SLC9C1: variants seen among roughly 807,000 people sequenced by gnomAD.
The protein encoded by SLC9C1 is solute carrier family 9 member C1, also known as sodium/hydrogen exchanger 10.
A neutral mutation model predicts 140.9 loss-of-function variants in SLC9C1; 97 were observed. That is an observed-to-expected ratio of 0.69 (90% CI 0.58 to 0.82). SLC9C1 has a LOEUF of 0.82. Ranked by LOEUF, SLC9C1 falls within the 40% of genes least tolerant of loss-of-function variation. The pLI is 0.00. For synonymous variants in SLC9C1, 440 were observed against 442.6 expected (o/e 0.99, Z 0.07); for missense variants, 1,340 against 1,389.3 (o/e 0.96, Z 0.56).
At chr3:112,243,839 C>T (rs1366500138) in intron 11 of SLC9C1, among the ~76,000 whole-genome samples, 156 bp downstream of exon 11, 1 of 152,042 alleles carries the variant, frequency 6.6e-6, no homozygotes, top group Non-Finnish European at 1.5e-5. Flanking sequence ...AACAGGTGTG[C>T]ACTGCCACGC....
At chr3:112,202,126 T>C in intron 18 of SLC9C1, 124 bp downstream of exon 18, 1 of 1,111,352 alleles carries the variant, frequency 9.0e-7, no homozygotes, top group South Asian at 1.5e-5. Flanking sequence ...AGTTTAAGTT[T>C]TTAAAGAAAT....
chr3:112,154,737 C>CT (rs1327082723), intron 27 of SLC9C1, among the ~76,000 whole-genome samples: 1 of 152,092 alleles, frequency 6.6e-6, no homozygotes, highest in Non-Finnish European at 1.5e-5. Flanking sequence ...CTGGTAGTGC[C>CT]TGGTTGCTAA....
Position 112,286,708 on chromosome 3 carries a change from A to C in SLC9C1, c.84T>G (p.Ile28Met). The C allele has an allele frequency of 6.2e-7, 1 of 1,611,454 alleles. No homozygotes were observed. The highest frequency in any genetic ancestry group is 8.5e-7 in the Non-Finnish European group (1 of 1,178,700). The change falls in exon 2 of 29, where the codon ATT becomes ATG. Residue 28 changes from isoleucine (I) to methionine (M), a missense_variant. Ile to Met is a conservative substitution (Grantham distance 10). Coordinates refer to ENST00000305815, the MANE Select transcript of SLC9C1 (RefSeq NM_183061.3). ...VILTLSLISS[I>M]GAFLNRHLED... is the part of the protein sequence containing the mutation. ...TAAAGAGAGAGTGATACTTACCTCCAATGGAGCTGATCAAAGACAATGTTA... is the reference window on the plus strand; with the variant it reads ...TAAAGAGAGAGTGATACTTACCTCCCATGGAGCTGATCAAAGACAATGTTA...
intron 28 of SLC9C1, chr3:112,147,548 T>C (rs1335796944): frequency 1.0e-5 from 4 of 391,268 alleles, no homozygotes; most frequent in South Asian, 5.6e-5. Context: ...AAAGCTTAGT[T>C]TGGCAGGATA....
At chr3:112,291,484 A>C (rs1308024759) in intron 1 of SLC9C1, among the ~76,000 whole-genome samples, 1 of 152,240 alleles carries the variant, frequency 6.6e-6, no homozygotes, top group Non-Finnish European at 1.5e-5. Context: ...AAAAGAAGAC[A>C]TACATGCTGC....
chr3:112,264,136 T>C, intron 9 of SLC9C1, 64 bp downstream of exon 9: 1 of 770,086 alleles, frequency 1.3e-6, no homozygotes, highest in South Asian at 5.7e-5. Flanking sequence ...TTGTGTTATT[T>C]AAAAGATGAC....
At chr3:112,195,366 A>G (rs2077747811) in intron 20 of SLC9C1, among the ~76,000 whole-genome samples, 1 of 152,120 alleles carries the variant, frequency 6.6e-6, no homozygotes, top group Admixed American at 6.5e-5. Context: ...TCAAAGAAAA[A>G]GCACATAGTT....
At chr3:112,234,377 G>T (rs533380441) in intron 12 of SLC9C1, among the ~76,000 whole-genome samples, 101 of 152,162 alleles carry the variant, frequency 6.6e-4, no homozygotes, top group Non-Finnish European at 1.3e-3. Flanking sequence ...CTGGATATTA[G>T]CCCTTTGTCA....
intron 15 of SLC9C1, among the ~76,000 whole-genome samples, chr3:112,209,834 A>G (rs2078153836): frequency 6.6e-6 from 1 of 152,228 alleles, no homozygotes; most frequent in South Asian, 2.1e-4. Flanking sequence ...TAAGTTAAAG[A>G]TTTAAATAAA....
At chr3:112,231,762 G>A (rs534810269) in intron 12 of SLC9C1, among the ~76,000 whole-genome samples, 3 of 152,192 alleles carry the variant, frequency 2.0e-5, no homozygotes, top group South Asian at 2.1e-4. Context: ...TCACATATAT[G>A]ATCATGCTTT....
chr3:112,199,576 A>G (rs2077854266), intron 19 of SLC9C1, 107 bp from the exon 20 acceptor site: 4 of 766,932 alleles, frequency 5.2e-6, no homozygotes, highest in Non-Finnish European at 7.5e-6. Flanking sequence ...TACCGCCCTC[A>G]ACACAGAGAA....
chr3:112,224,633 T>C (rs2078632191), intron 13 of SLC9C1, among the ~76,000 whole-genome samples: 1 of 151,396 alleles, frequency 6.6e-6, no homozygotes, highest in Non-Finnish European at 1.5e-5. Context: ...ATATTGGAGC[T>C]AATTTAATGA....
intron 10 of SLC9C1, among the ~76,000 whole-genome samples, chr3:112,253,981 G>A (rs540468876): frequency 2.0e-5 from 3 of 152,092 alleles, no homozygotes; most frequent in African/African-American, 7.2e-5. Context: ...ACCAAGATGA[G>A]GAAAGAATCT....
chr3:112,178,690 G>A (rs916826501), intron 23 of SLC9C1, among the ~76,000 whole-genome samples: 1 of 152,100 alleles, frequency 6.6e-6, no homozygotes, highest in Non-Finnish European at 1.5e-5. Context: ...CCCATTTAGT[G>A]ACACTAATAT....
intron 25 of SLC9C1, among the ~76,000 whole-genome samples, chr3:112,168,322 TACACACACACACACACACACAC>T (rs56965031): frequency 1.5e-5 from 2 of 133,730 alleles, no homozygotes; most frequent in South Asian, 2.6e-4. Flanking sequence ...CACAAAACAA[TACACACACACACACACACACAC>T]ACACACACAC....
chr3:112,164,368 C>T (rs1465361567), intron 26 of SLC9C1, among the ~76,000 whole-genome samples: 3 of 141,034 alleles, frequency 2.1e-5, no homozygotes, highest in African/African-American at 5.6e-5. Context: ...TTCCTAGTCT[C>T]GATGGTCTTT....
intron 8 of SLC9C1, among the ~76,000 whole-genome samples, chr3:112,264,564 T>C (rs923161711): frequency 6.6e-6 from 1 of 151,788 alleles, no homozygotes; most frequent in Non-Finnish European, 1.5e-5. Context: ...ATGAGATGGG[T>C]GAAGGTCAGT....
chr3:112,183,349 C>CTTTTTTTTTTTTTTTT (rs200437815), intron 20 of SLC9C1, among the ~76,000 whole-genome samples: 1,505 of 94,886 alleles, frequency 0.016, 194 homozygotes, highest in Non-Finnish European at 0.017. Flanking sequence ...AGCACCTTTT[C>CTTTTTTTTTTTTTTTT]TTTTTTTTTT....
intron 20 of SLC9C1, among the ~76,000 whole-genome samples, chr3:112,192,057 T>G (rs1426771546): frequency 5.9e-5 from 7 of 119,258 alleles, no homozygotes; most frequent in African/African-American, 8.5e-5. Context: ...TCTCACTGTT[T>G]TTTTCCATTT....
Sources: gnomAD v4.1 joint callset for allele counts (sites outside exome capture counted in the v4.1 genomes callset) on GRCh38, gnomAD v4.1.1 for gene constraint, MANE v1.5 for transcripts, NCBI Gene and HGNC (gene_info 2026-07-23, HGNC 2026-07-21) for gene names.